Variants in STEAP3 observed in about 807,000 individuals in gnomAD.
The protein encoded by STEAP3 is STEAP3 metalloreductase.
In STEAP3, 35 loss-of-function variants were observed where a neutral mutation model predicts 34.9. That is an observed-to-expected ratio of 1.00 (90% CI 0.76 to 1.33). STEAP3 has a LOEUF of 1.33. Ranked by LOEUF, STEAP3 falls within the 40% of genes most tolerant of loss-of-function variation. The pLI, the probability that STEAP3 is intolerant of heterozygous loss-of-function variation, is 0.00. For synonymous variants in STEAP3, 281 were observed against 301.6 expected (o/e 0.93, Z 0.71); for missense variants, 652 against 667.6 (o/e 0.98, Z 0.26).
intron 5 of STEAP3, chr2:119,257,469 T>A: frequency 1.3e-6 from 2 of 1,531,864 alleles, no homozygotes; most frequent in Non-Finnish European, 1.8e-6. Context: ...TGTGGCAACT[T>A]CCAGTGCAGG....
intron 2 of STEAP3, among the ~76,000 whole-genome samples, chr2:119,241,484 A>T (rs974608995): frequency 1.3e-5 from 2 of 152,230 alleles, no homozygotes; most frequent in Non-Finnish European, 2.9e-5. Flanking sequence ...GAGGTGCTTA[A>T]CGTTTAGTTT....
At chr2:119,260,038 C>T (rs1020496602) in intron 5 of STEAP3, among the ~76,000 whole-genome samples, 3 of 152,228 alleles carry the variant, frequency 2.0e-5, no homozygotes, top group Non-Finnish European at 4.4e-5. Context: ...ATGCCCCGCC[C>T]CAAACCAACT....
At position 119,247,819 on chromosome 2, in the gene STEAP3, C is replaced by A. The variant is rs1253770030; in HGVS notation, c.663C>A (p.Ala221=). The A allele has an allele frequency of 6.2e-7, 1 of 1,612,696 alleles. No individual in the cohort carries two copies. Residue 221 remains alanine (A), a synonymous_variant, in exon 4 of 6, where the codon GCC becomes GCA. Transcript: ENST00000393110. ...CCATGCCCCTGCGCCTCCTCCCGGCCTGGAAGGTGCCCACCCTGCTGGCCC... is the reference window on the plus strand; with the variant it reads ...CCATGCCCCTGCGCCTCCTCCCGGCATGGAAGGTGCCCACCCTGCTGGCCC... ...VEAMPLRLLP[A]WKVPTLLALG... is the part of the protein sequence containing the mutation.
intron 3 of STEAP3, among the ~76,000 whole-genome samples, chr2:119,247,343 C>T (rs948787046): frequency 6.6e-6 from 1 of 152,216 alleles, no homozygotes; most frequent in Non-Finnish European, 1.5e-5. Context: ...TGGAGACAGC[C>T]ATGTCGGGGG....
At position 119,250,930 on chromosome 2, in the gene STEAP3, C is replaced by T. The variant is rs537737745; in HGVS notation, c.1050+2724C>T. ...ACCGAAGGCCTCTCATGCAAAGGGG[C>T]TTAAACTTGTTCTGCAGAGTTCTTA... On this transcript the variant is annotated intron_variant, in intron 4 of 5. Coordinates refer to ENST00000393110, the MANE Select transcript of STEAP3 (RefSeq NM_182915.3). Among the ~76,000 whole-genome samples, 46 of 152,274 alleles carry T rather than the reference C, an allele frequency of 3.0e-4. 2 individuals carry two copies. In the South Asian group the frequency reaches 9.1e-3, roughly 30 times the overall value.
chr2:119,252,919 G>C (rs894134360), intron 4 of STEAP3, among the ~76,000 whole-genome samples: 1 of 152,218 alleles, frequency 6.6e-6, no homozygotes, highest in African/African-American at 2.4e-5. Flanking sequence ...ACTCTGACTT[G>C]TGACATTAAC....
Position 119,248,182 on chromosome 2 carries a change from C to A in STEAP3, c.1026C>A (p.Asp342Glu). The change falls in exon 4 of 6, where the codon GAC (aspartate) becomes GAA (glutamate). Residue 342 changes from aspartate to glutamate, a missense_variant. Transcript: ENST00000393110. ...CGCTGCGCCGCGCCCACCGCTACGA[C>A]CTGGTCAACCTGGCAGTCAAGCAGG... ...CLPLRRAHRY[D>E]LVNLAVKQVL... 1.3e-6 allele frequency: 2 copies of A among 1,592,280 alleles called. No homozygotes were observed. The highest frequency in any genetic ancestry group is 1.7e-6 in the Non-Finnish European group (2 of 1,168,502).
chr2:119,240,017 AGAC>A (rs1677200979), intron 2 of STEAP3, among the ~76,000 whole-genome samples: 1 of 151,326 alleles, frequency 6.6e-6, no homozygotes, highest in Non-Finnish European at 1.5e-5. Context: ...TTTACTGACC[AGAC>A]AAAAAAAATT....
Position 119,263,533 on chromosome 2 carries a change from A to G in STEAP3, c.*195A>G. The G allele has an allele frequency of 1.4e-6, 1 of 726,348 alleles. No individual in the cohort carries two copies. The highest frequency in any genetic ancestry group is 2.7e-5 in the East Asian group (1 of 36,762). The allele number at this position is 726,348 out of a possible 1,614,324, so 45.0% of individuals were successfully genotyped here. A position where few individuals can be genotyped will look rare whatever the true frequency, so the allele number is the denominator to read the frequency against. ...CACATATGTGTATATGTATTTACATATATTCCACATATATAACAGGATTTG... is the reference window on the plus strand; with the variant it reads ...CACATATGTGTATATGTATTTACATGTATTCCACATATATAACAGGATTTG... On this transcript the variant is annotated 3_prime_UTR_variant, in exon 6 of 6. Coordinates refer to ENST00000393110, the MANE Select transcript of STEAP3 (RefSeq NM_182915.3).
chr2:119,263,226 C>G lies in STEAP3; in HGVS notation c.1385C>G (p.Pro462Arg), dbSNP rs758832778. 1 of 1,614,144 alleles carries G rather than the reference C, an allele frequency of 6.2e-7. No homozygotes were observed. ...VILAKALFLL[P>R]CISRRLARIR... ...CTGGCCAAAGCCCTGTTTCTCCTGC[C>G]CTGCATCAGCCGCAGACTCGCCAGG... Residue 462 changes from proline to arginine, a missense_variant, in exon 6 of 6, where the codon CCC becomes CGC. Coordinates refer to ENST00000393110, the MANE Select transcript of STEAP3 (RefSeq NM_182915.3).
intron 5 of STEAP3, among the ~76,000 whole-genome samples, chr2:119,258,361 G>C (rs776184342): frequency 1.3e-5 from 2 of 152,026 alleles, no homozygotes; most frequent in Admixed American, 1.3e-4. Flanking sequence ...ATGTCATCCC[G>C]TGACTAGCAA....
intron 2 of STEAP3, among the ~76,000 whole-genome samples, chr2:119,235,062 C>T (rs1677054672): frequency 6.6e-6 from 1 of 152,210 alleles, no homozygotes; most frequent in South Asian, 2.1e-4. Context: ...GGAATATCCT[C>T]CCAGTCAGGG....
chr2:119,231,468 C>G (rs1364749966), intron 2 of STEAP3, among the ~76,000 whole-genome samples: 1 of 151,734 alleles, frequency 6.6e-6, no homozygotes, highest in Non-Finnish European at 1.5e-5. Context: ...GTAACCATTT[C>G]TGCATTGGTT....
rs186319696 is a variant in STEAP3, at chr2:119,242,215, G to A, written c.23-3274G>A. On this transcript the variant is annotated intron_variant, in intron 2 of 5. Transcript: ENST00000393110. ...GACAGAGGAGAGGCTTCTGTCCAGA[G>A]GGTTCCTACTTAGGATCATCCAAAT... is the stretch of plus-strand genomic sequence containing the variant. Among the ~76,000 whole-genome samples the A allele has an allele frequency of 2.6e-4, 39 of 152,322 alleles. No homozygotes were observed. In the East Asian group the frequency reaches 4.6e-3, roughly 18 times the overall value.
In STEAP3 at chr2:119,263,803, G is replaced by A. The variant is rs1329110182; in HGVS notation, c.*465G>A. The A allele has an allele frequency of 3.6e-6, 1 of 278,962 alleles. No homozygotes were observed. Among genetic ancestry groups the A allele is most frequent in the Non-Finnish European group, 6.9e-6 (1 of 143,942 alleles). The allele number at this position is 278,962 out of a possible 1,614,324, so 17.3% of individuals were successfully genotyped here. A position where few individuals can be genotyped will look rare whatever the true frequency, so the allele number is the denominator to read the frequency against. On this transcript the variant is annotated 3_prime_UTR_variant, in exon 6 of 6. Transcript: ENST00000393110. ...TCTTGCAGAGCTAGGGCTCTGAAGG[G>A]GAGGGAAGGCAACGGCTCTGCCCAG...
At chr2:119,253,408 A>G (rs188220084) in intron 4 of STEAP3, among the ~76,000 whole-genome samples, 1 of 152,202 alleles carries the variant, frequency 6.6e-6, no homozygotes, top group East Asian at 1.9e-4. Flanking sequence ...TAAGCTGTAC[A>G]ACCATTTTGC....
chr2:119,259,146 T>C (rs1677870343), intron 5 of STEAP3, among the ~76,000 whole-genome samples: 1 of 152,168 alleles, frequency 6.6e-6, no homozygotes, highest in East Asian at 1.9e-4. Flanking sequence ...CTGCCTGAAA[T>C]AATGACAAGA....
intron 2 of STEAP3, among the ~76,000 whole-genome samples, 189 bp downstream of exon 2, chr2:119,231,223 A>G (rs1200122119): frequency 6.6e-6 from 1 of 152,168 alleles, no homozygotes; most frequent in Non-Finnish European, 1.5e-5. Context: ...GCAGTATGAA[A>G]TGGGAAATAT....
chr2:119,236,281 T>A (rs371404178), intron 2 of STEAP3, among the ~76,000 whole-genome samples: 1 of 152,180 alleles, frequency 6.6e-6, no homozygotes, highest in East Asian at 1.9e-4. Context: ...TCTCATATAA[T>A]CCTTGCCACA....
Sources: gnomAD v4.1 joint callset for allele counts (sites outside exome capture counted in the v4.1 genomes callset) on GRCh38, gnomAD v4.1.1 for gene constraint, MANE v1.5 for transcripts, NCBI Gene and HGNC (gene_info 2026-07-23, HGNC 2026-07-21) for gene names.